The following TEN1 variants were observed in gnomAD, a reference collection of about 807,000 sequenced individuals.
The protein encoded by TEN1 is TEN1 subunit of CST complex.
In TEN1, 6 loss-of-function variants were observed where a neutral mutation model predicts 9.3. The observed-to-expected ratio is 0.65, with a 90% CI of 0.35 to 1.27. The LOEUF is 1.27. Among genes scored for constraint, TEN1 ranks in the 50% most tolerant of loss-of-function variants. TEN1 has a pLI of 0.03. For synonymous variants in TEN1, 65 were observed against 65.6 expected, an observed-to-expected ratio of 0.99 and a Z score of 0.04; for missense variants, 149 against 158.2, an observed-to-expected ratio of 0.94 and a Z score of 0.31.
chr17:75,993,387 G>C (rs940796741), intron 3 of TEN1, among the ~76,000 whole-genome samples: 3 of 152,120 alleles, frequency 2.0e-5, no homozygotes, highest in African/African-American at 7.2e-5. Flanking sequence ...ACAAGCGTGA[G>C]CTACCGCGCC....
intron 3 of TEN1, among the ~76,000 whole-genome samples, chr17:75,999,327 C>G (rs1449060887): frequency 2.0e-5 from 3 of 151,954 alleles, no homozygotes; most frequent in Admixed American, 6.6e-5. Context: ...AGTGACAGAG[C>G]AACACCCTGT....
Position 75,996,492 on chromosome 17 carries a change from A to T in TEN1, c.251-3649A>T, listed in dbSNP as rs149176999. ...AAGAGCAAAACTCCATCTCAAAAAA[A>T]AATAATAATAATAACCAGCCTGGGT... On this transcript the variant is annotated intron_variant, in intron 3 of 3. Transcript: ENST00000397640. Among the ~76,000 whole-genome samples, 805 of 151,790 alleles carry T rather than the reference A, an allele frequency of 5.3e-3. 9 individuals are homozygous for T. Among genetic ancestry groups the T allele is most frequent in the African/African-American group, 0.017 (711 of 41,408 alleles).
At chr17:75,994,218 G>A (rs542666155) in intron 3 of TEN1, among the ~76,000 whole-genome samples, 54 of 151,650 alleles carry the variant, frequency 3.6e-4, no homozygotes, top group African/African-American at 1.3e-3. Flanking sequence ...GAGGATCACC[G>A]GAGGTCGGAA....
At chr17:75,979,788 C>T (rs1187714058) in intron 1 of TEN1, among the ~76,000 whole-genome samples, 2 of 151,702 alleles carry the variant, frequency 1.3e-5, no homozygotes, top group Non-Finnish European at 2.9e-5. Context: ...CTCCAGTTAC[C>T]TTTTGTTAAG....
chr17:75,984,391 T>C (rs2066139773), intron 1 of TEN1, among the ~76,000 whole-genome samples: 1 of 152,148 alleles, frequency 6.6e-6, no homozygotes, highest in Non-Finnish European at 1.5e-5. Flanking sequence ...ACTTTTTCAT[T>C]TTTTTAAATT....
At chr17:75,989,891 A>AC (rs765499644) in intron 2 of TEN1, among the ~76,000 whole-genome samples, 9 of 150,160 alleles carry the variant, frequency 6.0e-5, no homozygotes, top group Non-Finnish European at 1.0e-4. Flanking sequence ...ACAGGCGTGC[A>AC]CCACTGTACC....
chr17:75,999,836 TG>T (rs1050608789), intron 3 of TEN1, among the ~76,000 whole-genome samples: 1 of 152,038 alleles, frequency 6.6e-6, no homozygotes. Flanking sequence ...TTTTAAAATA[TG>T]GGTGTCTCTT....
intron 2 of TEN1, among the ~76,000 whole-genome samples, chr17:75,986,729 C>A (rs973174755): frequency 2.7e-5 from 4 of 150,484 alleles, no homozygotes; most frequent in African/African-American, 4.9e-5. Context: ...AATATATATA[C>A]ATATATATAT....
intron 2 of TEN1, among the ~76,000 whole-genome samples, chr17:75,986,706 A>G (rs2066154577): frequency 6.6e-6 from 1 of 151,332 alleles, no homozygotes; most frequent in African/African-American, 2.4e-5. Flanking sequence ...TGTCTCAAAA[A>G]ATAATAATAA....
At chr17:75,981,781 G>A (rs561089558) in intron 1 of TEN1, among the ~76,000 whole-genome samples, 12 of 152,004 alleles carry the variant, frequency 7.9e-5, no homozygotes, top group Non-Finnish European at 1.3e-4. Context: ...TATAATCCTG[G>A]CACTTTGGGA....
At chr17:75,994,501 A>T (rs1245736069) in intron 3 of TEN1, among the ~76,000 whole-genome samples, 1 of 150,034 alleles carries the variant, frequency 6.7e-6, no homozygotes, top group Non-Finnish European at 1.5e-5. Flanking sequence ...ACGGAGTCTC[A>T]CTCTCTCACT....
At position 75,994,385 on chromosome 17, in the gene TEN1, G is replaced by A. The variant is rs1282704022; in HGVS notation, c.250+2762G>A. Among the ~76,000 whole-genome samples the A allele has an allele frequency of 3.4e-5, 5 of 148,430 alleles. No individual in the cohort carries two copies. The East Asian group carries it at 1.0e-3, about 30-fold the overall frequency. ...GGAGGCGGAGGTTGCTGTGAGCCGA[G>A]ATCGCACCATTGCACTCCAGCCTGG... On this transcript the variant is annotated intron_variant, in intron 3 of 3. Coordinates refer to ENST00000397640, the MANE Select transcript of TEN1 (RefSeq NM_001113324.3).
In TEN1 at chr17:75,986,429, C is replaced by T. The variant is rs147468497; in HGVS notation, c.92+145C>T. 31 of 779,354 alleles carry T rather than the reference C, an allele frequency of 4.0e-5. No individual in the cohort carries two copies. The East Asian group carries it at 8.9e-4, about 22-fold the overall frequency. The allele number at this position is 779,354 out of a possible 1,614,324, so 48.3% of individuals were successfully genotyped here. On this transcript the variant is annotated intron_variant, in intron 2 of 3. Coordinates refer to ENST00000397640, the MANE Select transcript of TEN1 (RefSeq NM_001113324.3). ...TAAAAAAAAAATTAGTTGCCGGGCG[C>T]GGTGGCTCATGCCTGTAATCGCAGC...
At chr17:75,983,588 G>A (rs1475391601) in intron 1 of TEN1, among the ~76,000 whole-genome samples, 2 of 152,180 alleles carry the variant, frequency 1.3e-5, no homozygotes, top group African/African-American at 4.8e-5. Context: ...ATTTCATGGA[G>A]AGCATGGCAT....
chr17:75,995,554 A>G (rs1342564167), intron 3 of TEN1, among the ~76,000 whole-genome samples: 1 of 152,186 alleles, frequency 6.6e-6, no homozygotes, highest in Non-Finnish European at 1.5e-5. Context: ...AGGTGAAGAC[A>G]TGCTGGTGTG....
intron 3 of TEN1, among the ~76,000 whole-genome samples, 181 bp from the exon 4 acceptor site, chr17:75,999,960 A>C (rs1028078611): frequency 2.6e-5 from 4 of 152,106 alleles, no homozygotes; most frequent in Admixed American, 2.0e-4. Context: ...ACTGTGCATG[A>C]CAGGCCCACG....
Position 75,991,624 on chromosome 17 carries a change from G to A in TEN1, c.250+1G>A. 6.4e-7 allele frequency: 1 copy of A among 1,550,984 alleles called. No homozygotes were observed. Among genetic ancestry groups the A allele is most frequent in the Non-Finnish European group, 8.7e-7 (1 of 1,146,646 alleles). ...CTCGGGGAGCTCCAGCATCAGCAGG[G>A]TGAGCTGCAGCCTCAGATCCCCTTT... On this transcript the variant is annotated splice_donor_variant, in intron 3 of 3. Coordinates refer to ENST00000397640, the MANE Select transcript of TEN1 (RefSeq NM_001113324.3). LOFTEE classifies it high-confidence loss of function.
chr17:75,981,802 G>A (rs1159667108), intron 1 of TEN1, among the ~76,000 whole-genome samples: 1 of 152,102 alleles, frequency 6.6e-6, no homozygotes, highest in African/African-American at 2.4e-5. Context: ...GGCCAAGGCA[G>A]GTGGATAGCG....
In TEN1 at chr17:75,986,204, C is replaced by T. The variant is rs2144346944; in HGVS notation, c.12C>T (p.Pro4=). The change falls in exon 2 of 4, where the codon CCC becomes CCT. Residue 4 remains proline, a synonymous_variant. Transcript: ENST00000397640. MML[P]KPGTYYLPWE... ...GGTTACAGGAGCCCATGATGCTGCC[C>T]AAACCTGGGACCTATTACCTCCCCT... 6.5e-7 allele frequency: 1 copy of T among 1,548,918 alleles called. No individual in the cohort carries two copies. The highest frequency in any genetic ancestry group is 8.7e-7 in the Non-Finnish European group (1 of 1,145,732).
Sources: allele counts gnomAD v4.1 joint callset (sites outside exome capture counted in the v4.1 genomes callset), GRCh38; gene constraint gnomAD v4.1.1; transcripts MANE v1.5; gene names NCBI Gene and HGNC (gene_info 2026-07-23, HGNC 2026-07-21).